FGF12: variants seen among roughly 807,000 people sequenced by gnomAD.
The protein encoded by FGF12 is fibroblast growth factor 12.
Under a neutral mutation model 23.6 loss-of-function variants are expected in FGF12, and 14 were observed. The observed-to-expected ratio is 0.59, with a 90% CI of 0.39 to 0.93. FGF12 has a LOEUF of 0.93. Among genes scored for constraint, FGF12 ranks in the 40% least tolerant of loss-of-function variants. FGF12 has a pLI of 0.00. For missense variants in FGF12, 175 were observed against 217.8 expected, an observed-to-expected ratio of 0.80 and a Z score of 1.24; for synonymous variants, 62 against 77.3, an observed-to-expected ratio of 0.80 and a Z score of 1.04.
intron 2 of FGF12, among the ~76,000 whole-genome samples, chr3:192,433,799 C>T (rs1400583963): frequency 1.3e-5 from 2 of 152,202 alleles, no homozygotes; most frequent in Admixed American, 1.3e-4. Context: ...ACGATTAATT[C>T]CTGTACACTT....
intron 2 of FGF12, among the ~76,000 whole-genome samples, chr3:192,423,017 C>T (rs910090525): frequency 5.3e-5 from 8 of 152,214 alleles, no homozygotes; most frequent in East Asian, 1.9e-4. Flanking sequence ...TTCCAAATAC[C>T]GGAAAATCTT....
chr3:192,629,836 T>C (rs1715315637), intron 2 of FGF12, among the ~76,000 whole-genome samples: 1 of 152,208 alleles, frequency 6.6e-6, no homozygotes, highest in African/African-American at 2.4e-5. Flanking sequence ...CTGGGATCTG[T>C]CCGCGACTAT....
chr3:192,246,885 AAGAG>A (rs1206191508), intron 4 of FGF12, among the ~76,000 whole-genome samples: 12 of 149,750 alleles, frequency 8.0e-5, no homozygotes, highest in Non-Finnish European at 1.0e-4. Flanking sequence ...AAGAGAGAGA[AAGAG>A]AGAGGAAGAA....
chr3:192,452,044 G>C (rs1001677622), intron 2 of FGF12, among the ~76,000 whole-genome samples: 1 of 152,118 alleles, frequency 6.6e-6, no homozygotes, highest in African/African-American at 2.4e-5. Flanking sequence ...ATATTGAATA[G>C]AAGTAATGAA....
chr3:192,363,239 TA>T (rs149421896), intron 2 of FGF12, among the ~76,000 whole-genome samples: 2,899 of 145,296 alleles, frequency 0.02, 66 homozygotes, highest in African/African-American at 0.059. Context: ...AAAGTATAAT[TA>T]AAAAAAAAAA....
chr3:192,598,909 A>T (rs1022386149), intron 2 of FGF12, among the ~76,000 whole-genome samples: 2 of 152,168 alleles, frequency 1.3e-5, no homozygotes, highest in African/African-American at 2.4e-5. Context: ...TGGCACATAT[A>T]CACCATGGAA....
At chr3:192,484,414 C>T (rs1723571502) in intron 2 of FGF12, among the ~76,000 whole-genome samples, 1 of 151,884 alleles carries the variant, frequency 6.6e-6, no homozygotes, top group Non-Finnish European at 1.5e-5. Context: ...CCACACAGAC[C>T]CTTCAGTCAG....
intron 2 of FGF12, among the ~76,000 whole-genome samples, chr3:192,374,370 A>G (rs908230342): frequency 1.3e-5 from 2 of 152,208 alleles, no homozygotes; most frequent in African/African-American, 4.8e-5. Flanking sequence ...AATGGTCATA[A>G]GATTTTCTTC....
intron 2 of FGF12, among the ~76,000 whole-genome samples, chr3:192,492,690 C>T (rs13315344): frequency 0.094 from 14,264 of 152,074 alleles, 2,200 homozygotes; most frequent in African/African-American, 0.32. Context: ...TTTTTAGATA[C>T]GTTGATTAAA....
intron 2 of FGF12, among the ~76,000 whole-genome samples, chr3:192,545,215 A>T (rs1285931801): frequency 6.6e-6 from 1 of 152,196 alleles, no homozygotes; most frequent in African/African-American, 2.4e-5. Flanking sequence ...CCAACCGAAC[A>T]CTTGCACTCT....
intron 4 of FGF12, among the ~76,000 whole-genome samples, chr3:192,295,167 C>T (rs145556742): frequency 9.2e-5 from 14 of 152,272 alleles, no homozygotes; most frequent in East Asian, 1.9e-4. Flanking sequence ...TTACAAAAGC[C>T]GACCTATCTA....
chr3:192,720,691 C>T (rs1719013953), intron 2 of FGF12, among the ~76,000 whole-genome samples: 1 of 152,100 alleles, frequency 6.6e-6, no homozygotes, highest in African/African-American at 2.4e-5. Flanking sequence ...TCTCTTAACA[C>T]TAAAGAGGGT....
intron 4 of FGF12, among the ~76,000 whole-genome samples, chr3:192,294,476 C>T (rs1299518801): frequency 6.6e-6 from 1 of 152,168 alleles, no homozygotes. Context: ...TCCCTGTCAT[C>T]GCTGTCACTC....
At chr3:192,528,469 T>C (rs1725008208) in intron 2 of FGF12, among the ~76,000 whole-genome samples, 1 of 152,124 alleles carries the variant, frequency 6.6e-6, no homozygotes. Context: ...GGGCTGGTGT[T>C]GTGTGTCTGC....
intron 2 of FGF12, among the ~76,000 whole-genome samples, chr3:192,694,590 C>T (rs1718050065): frequency 6.6e-6 from 1 of 151,424 alleles, no homozygotes; most frequent in African/African-American, 2.4e-5. Flanking sequence ...CATATACGTA[C>T]ATATATACAT....
intron 2 of FGF12, among the ~76,000 whole-genome samples, chr3:192,381,724 A>G (rs1719820821): frequency 6.6e-6 from 1 of 152,168 alleles, no homozygotes; most frequent in Non-Finnish European, 1.5e-5. Context: ...AAAAATAATA[A>G]CACTCCACAC....
At chr3:192,628,565 T>C (rs1289596666) in intron 2 of FGF12, among the ~76,000 whole-genome samples, 1 of 150,688 alleles carries the variant, frequency 6.6e-6, no homozygotes, top group Non-Finnish European at 1.5e-5. Context: ...AAGTTTCATA[T>C]ATATACATAA....
At chr3:192,146,168 C>T (rs576574777) in intron 5 of FGF12, among the ~76,000 whole-genome samples, 37 of 151,930 alleles carry the variant, frequency 2.4e-4, no homozygotes, top group Non-Finnish European at 4.4e-4. Flanking sequence ...AATGAATTTA[C>T]AAAAATCTCC....
At chr3:192,569,716 A>T (rs1326842601) in intron 2 of FGF12, among the ~76,000 whole-genome samples, 1 of 152,248 alleles carries the variant, frequency 6.6e-6, no homozygotes, top group Non-Finnish European at 1.5e-5. Flanking sequence ...GGTAAGTTGC[A>T]GAATGAGGAT....
Sources: allele counts gnomAD v4.1 joint callset (sites outside exome capture counted in the v4.1 genomes callset), GRCh38; gene constraint gnomAD v4.1.1; transcripts MANE v1.5; gene names NCBI Gene and HGNC (gene_info 2026-07-23, HGNC 2026-07-21).